ZNF644: variants seen among roughly 807,000 people sequenced by gnomAD.
ZNF644 encodes zinc finger protein 644.
A neutral mutation model predicts 108.0 loss-of-function variants in ZNF644; 20 were observed. The ratio of observed to expected loss-of-function variants is 0.19; its 90% CI spans 0.13 to 0.27. The LOEUF (loss-of-function observed/expected upper bound fraction) is 0.27. Among genes scored for constraint, ZNF644 ranks in the 10% least tolerant of loss-of-function variants. The probability of loss-of-function intolerance (pLI) is 1.00; values close to 1 mark genes in which losing one functional copy is unlikely to be tolerated. For synonymous variants in ZNF644, 542 were observed against 539.1 expected (o/e 1.01, Z -0.08); for missense variants, 1,338 against 1,548.9 (o/e 0.86, Z 2.29).
intron 2 of ZNF644, among the ~76,000 whole-genome samples, chr1:90,967,574 C>T (rs1443003634): frequency 6.6e-6 from 1 of 152,120 alleles, no homozygotes; most frequent in African/African-American, 2.4e-5. Flanking sequence ...AGGTAGTAGT[C>T]AACCTAATGA....
Position 90,918,072 on chromosome 1 carries a change from C to T in ZNF644, c.3771G>A (p.Glu1257=). ...TATACCTGCATCGGAGAATGTAAAC[C>T]TCGTCAGCACCATGAGGTAATGTTA... The part of the protein sequence containing the change: ...KMLTLPHGAD[E]VYILRCRFCG... Residue 1257 remains glutamate (E), a synonymous_variant, in exon 5 of 6, where the codon GAG becomes GAA. Transcript: ENST00000337393. The T allele has an allele frequency of 6.2e-7, 1 of 1,614,012 alleles. No individual in the cohort carries two copies. Among genetic ancestry groups the T allele is most frequent in the Non-Finnish European group, 8.5e-7 (1 of 1,179,972 alleles).
At chr1:91,002,671 T>G (rs1036288314) in intron 1 of ZNF644, among the ~76,000 whole-genome samples, 8 of 151,942 alleles carry the variant, frequency 5.3e-5, no homozygotes, top group Non-Finnish European at 8.8e-5. Flanking sequence ...AAGCCAAAAT[T>G]GACAAATGGG....
intron 1 of ZNF644, among the ~76,000 whole-genome samples, chr1:90,988,900 A>T (rs915154599): frequency 1.8e-4 from 28 of 152,198 alleles, no homozygotes; most frequent in South Asian, 6.2e-4. Flanking sequence ...ATGGATAAAG[A>T]CCAAAGCATA....
At chr1:90,996,402 T>C (rs948880716) in intron 1 of ZNF644, among the ~76,000 whole-genome samples, 1 of 152,230 alleles carries the variant, frequency 6.6e-6, no homozygotes, top group Non-Finnish European at 1.5e-5. Context: ...GAGTGATAGA[T>C]GGCTGAATCT....
intron 1 of ZNF644, among the ~76,000 whole-genome samples, chr1:90,987,063 TA>T (rs61601047): frequency 0.027 from 3,722 of 137,848 alleles, 134 homozygotes; most frequent in African/African-American, 0.088. Context: ...CTTACATGTT[TA>T]AAAAAAAAAA....
chr1:90,935,450 C>T (rs751850588), intron 4 of ZNF644: 3 of 985,720 alleles, frequency 3.0e-6, no homozygotes, highest in Non-Finnish European at 3.6e-6. Context: ...CGTGCATAAG[C>T]GCGTAAGTGG....
intron 1 of ZNF644, among the ~76,000 whole-genome samples, chr1:91,002,809 T>C (rs1274952641): frequency 2.0e-5 from 3 of 151,988 alleles, no homozygotes; most frequent in African/African-American, 7.2e-5. Flanking sequence ...CCAGAATCTA[T>C]AATGAACTCA....
chr1:90,957,483 G>T (rs944759517), intron 2 of ZNF644, among the ~76,000 whole-genome samples: 1 of 152,094 alleles, frequency 6.6e-6, no homozygotes, highest in Non-Finnish European at 1.5e-5. Flanking sequence ...CATAAGAAAT[G>T]CAATCAATGT....
At chr1:90,985,209 T>C (rs933378664) in intron 1 of ZNF644, among the ~76,000 whole-genome samples, 2 of 152,176 alleles carry the variant, frequency 1.3e-5, no homozygotes, top group Non-Finnish European at 2.9e-5. Context: ...GTATATATTA[T>C]CTATTTATGG....
At chr1:90,961,746 T>C (rs1414541444) in intron 2 of ZNF644, among the ~76,000 whole-genome samples, 2 of 152,168 alleles carry the variant, frequency 1.3e-5, no homozygotes, top group African/African-American at 2.4e-5. Context: ...CTTATAAACA[T>C]TTAAAATTTG....
chr1:91,010,067 G>A (rs1419777365), intron 1 of ZNF644, among the ~76,000 whole-genome samples: 2 of 151,950 alleles, frequency 1.3e-5, no homozygotes, highest in Non-Finnish European at 2.9e-5. Flanking sequence ...ATTTCTTCAT[G>A]TAATTCTATT....
Position 90,938,876 on chromosome 1 carries a change from C to A in ZNF644, c.2478G>T (p.Leu826Phe), listed in dbSNP as rs774157043. ...KKESSVGGED[L>F]DSYPDFLHKM... Reference sequence around the variant, plus strand: ...TATGCAAAAAATCTGGATAGCTATCCAAGTCTTCCCCTCCAACAGAACTTT... The same window carrying A: ...TATGCAAAAAATCTGGATAGCTATCAAAGTCTTCCCCTCCAACAGAACTTT... The change falls in exon 3 of 6, where the codon TTG (leucine) becomes TTT (phenylalanine). Residue 826 changes from leucine to phenylalanine, a missense_variant. Around this residue, in one of 6 missense-constraint regions of ZNF644, gnomAD observed 462 missense variants for 472.6 expected, o/e 0.98. Transcript: ENST00000337393. This position sits in a 1 kb window ranked among gnomAD's most constrained non-coding sequence, Gnocchi z 4.2. 8 of 1,613,786 alleles carry A rather than the reference C, an allele frequency of 5.0e-6. No individual in the cohort carries two copies. The Admixed American group carries it at 1.0e-4, about 20-fold the overall frequency.
intron 1 of ZNF644, among the ~76,000 whole-genome samples, 185 bp from the exon 2 acceptor site, chr1:90,982,555 C>T (rs1656659315): frequency 6.6e-6 from 1 of 151,812 alleles, no homozygotes; most frequent in Admixed American, 6.6e-5. Flanking sequence ...TTGCTAAGTG[C>T]CCCCCAACCT....
chr1:90,930,786 C>A (rs1231861292), intron 4 of ZNF644, among the ~76,000 whole-genome samples: 1 of 152,158 alleles, frequency 6.6e-6, no homozygotes, highest in Non-Finnish European at 1.5e-5. Flanking sequence ...CTGCTACCAT[C>A]ATTGTTTCTT....
At position 90,916,206 on chromosome 1, in the gene ZNF644, C is replaced by T. The variant is rs587776903; in HGVS notation, c.*592G>A. ...AATACTTGTTTAAACAAATCTCCCT[C>T]CACTTTTTAGTATAAAAAAAACCGT... On this transcript the variant is annotated 3_prime_UTR_variant, in exon 6 of 6. Coordinates refer to ENST00000337393, the MANE Select transcript of ZNF644 (RefSeq NM_201269.3). The T allele has an allele frequency of 6.6e-6, 1 of 152,494 alleles. No individual in the cohort carries two copies. The highest frequency in any genetic ancestry group is 6.6e-5 in the Admixed American group (1 of 15,264). 9.4% of individuals were successfully genotyped at this position (152,494 alleles called of 1,614,324 possible). A position where few individuals can be genotyped will look rare whatever the true frequency, so the allele number is the denominator to read the frequency against.
chr1:90,923,803 G>T (rs899817022), intron 4 of ZNF644, among the ~76,000 whole-genome samples: 1 of 152,128 alleles, frequency 6.6e-6, no homozygotes, highest in Non-Finnish European at 1.5e-5. Context: ...TTTGCTTTAA[G>T]AATTAGGTTT....
At chr1:91,017,552 C>A (rs559926329) in intron 1 of ZNF644, among the ~76,000 whole-genome samples, 1 of 152,244 alleles carries the variant, frequency 6.6e-6, no homozygotes, top group South Asian at 2.1e-4. Flanking sequence ...TCTCACAGGG[C>A]TGTTTTTCTT....
In ZNF644 at chr1:90,972,445, CA is replaced by C. The variant is rs576606589; in HGVS notation, c.44+9864del. On this transcript the variant is annotated intron_variant, in intron 2 of 5. Coordinates refer to ENST00000337393, the MANE Select transcript of ZNF644 (RefSeq NM_201269.3). Reference sequence around the variant, plus strand: ...CATAATGACACATCATAGCCACTATCAAAAAACAAAAAACAAAATGTCAAGT... The same window carrying C: ...CATAATGACACATCATAGCCACTATCAAAAACAAAAAACAAAATGTCAAGT... Among the ~76,000 whole-genome samples the C allele has an allele frequency of 3.8e-4, 58 of 152,080 alleles. 2 individuals carry two copies. In the South Asian group the frequency reaches 0.012, roughly 31 times the overall value.
At chr1:90,955,155 G>T (rs1175167119) in intron 2 of ZNF644, among the ~76,000 whole-genome samples, 1 of 152,194 alleles carries the variant, frequency 6.6e-6, no homozygotes, top group Non-Finnish European at 1.5e-5. Context: ...TTTCTAGCAG[G>T]TCTCAACAGT....
Sources: allele counts gnomAD v4.1 joint callset (sites outside exome capture counted in the v4.1 genomes callset), GRCh38; gene constraint gnomAD v4.1.1; regional missense constraint gnomAD v4.1.1; non-coding constraint Gnocchi (gnomAD v3.1); transcripts MANE v1.5; gene names NCBI Gene and HGNC (gene_info 2026-07-23, HGNC 2026-07-21).